The following AGMO variants were observed in gnomAD, a reference collection of about 807,000 sequenced individuals.
AGMO encodes alkylglycerol monooxygenase.
AGMO carries 75 observed loss-of-function variants against 60.2 expected under a neutral mutation model. The ratio of observed to expected loss-of-function variants is 1.25; its 90% CI spans 1.03 to 1.51. The LOEUF is 1.51. AGMO is among the 40% of genes most tolerant of loss of function. AGMO has a pLI of 0.00. For synonymous variants in AGMO, 261 were observed against 177.1 expected (o/e 1.47, Z -3.76); for missense variants, 763 against 525.5 (o/e 1.45, Z -4.42).
intron 3 of AGMO, among the ~76,000 whole-genome samples, chr7:15,495,538 A>C (rs911577566): frequency 1.2e-4 from 19 of 152,278 alleles, no homozygotes; most frequent in African/African-American, 4.1e-4. Context: ...TAGCAGGGAA[A>C]GTGTGTTTGA....
the AGMO span, among the ~76,000 whole-genome samples, chr7:15,154,102 G>T: frequency 4.6e-5 from 7 of 152,180 alleles, no homozygotes; most frequent in Middle Eastern, 3.4e-3. Flanking sequence ...ACTGTTTGCT[G>T]ATGATATGAT....
intron 10 of AGMO, among the ~76,000 whole-genome samples, chr7:15,368,104 G>A (rs186580621): frequency 6.6e-6 from 1 of 152,004 alleles, no homozygotes. Flanking sequence ...TTGCTGAGTG[G>A]TCAAAAATCT....
chr7:15,246,987 G>A (rs1308386939), intron 12 of AGMO, among the ~76,000 whole-genome samples: 2 of 152,104 alleles, frequency 1.3e-5, no homozygotes, highest in East Asian at 3.9e-4. Flanking sequence ...TGTACTTTCT[G>A]TAGAGACATG....
At chr7:15,397,435 C>T (rs1237896262) in intron 5 of AGMO, among the ~76,000 whole-genome samples, 1 of 152,128 alleles carries the variant, frequency 6.6e-6, no homozygotes, top group Non-Finnish European at 1.5e-5. Context: ...CCTCGGCCAG[C>T]CCCACAGAGG....
intron 2 of AGMO, among the ~76,000 whole-genome samples, chr7:15,545,690 T>C (rs1784761233): frequency 2.0e-5 from 3 of 152,126 alleles, no homozygotes; most frequent in Non-Finnish European, 4.4e-5. Flanking sequence ...GCCATCTATT[T>C]ATCAAGCTTC....
intron 8 of AGMO, 110 bp from the exon 9 acceptor site, chr7:15,387,650 C>CAT (rs34660243): frequency 0.74 from 713,368 of 969,724 alleles, 265,303 homozygotes; most frequent in African/African-American, 0.93. Context: ...GTATTTAAAA[C>CAT]GTTATGCCTG....
At chr7:15,193,745 T>G in the AGMO span, among the ~76,000 whole-genome samples, 2 of 152,148 alleles carry the variant, frequency 1.3e-5, no homozygotes, top group African/African-American at 4.8e-5. Context: ...TTTGACAGAG[T>G]CTACCATAAA....
chr7:15,384,152 T>C lies in AGMO; in HGVS notation c.1074+1294A>G, dbSNP rs535419986. On this transcript the variant is annotated intron_variant, in intron 10 of 12. Transcript: ENST00000342526. Reference sequence around the variant, plus strand: ...CGTGGTTTCACCGTATTAGCCAGGATGGTCTCGATCTCCTGACCTCGTGAT... The same window carrying C: ...CGTGGTTTCACCGTATTAGCCAGGACGGTCTCGATCTCCTGACCTCGTGAT... Among the ~76,000 whole-genome samples, 139 of 152,234 alleles carry C rather than the reference T, an allele frequency of 9.1e-4. 1 individual carries two copies. The highest frequency in any genetic ancestry group is 3.4e-3 in the Middle Eastern group (1 of 294).
intron 10 of AGMO, among the ~76,000 whole-genome samples, chr7:15,380,117 G>T (rs10246009): frequency 0.4 from 60,116 of 151,758 alleles, 12,685 homozygotes; most frequent in African/African-American, 0.54. Context: ...TATGCCCTCC[G>T]TCTCTCACCA....
At chr7:15,146,710 T>C in the AGMO span, among the ~76,000 whole-genome samples, 1 of 152,192 alleles carries the variant, frequency 6.6e-6, no homozygotes, top group African/African-American at 2.4e-5. Flanking sequence ...TTAAAGTACA[T>C]GCTTTCTTTT....
chr7:15,351,318 T>C (rs1281258103), intron 12 of AGMO, among the ~76,000 whole-genome samples: 14 of 152,106 alleles, frequency 9.2e-5, no homozygotes, highest in South Asian at 2.1e-4. Context: ...ATTATGTAAG[T>C]AGAAATTGCA....
chr7:15,534,530 G>A (rs1205463735), intron 3 of AGMO, among the ~76,000 whole-genome samples: 1 of 151,830 alleles, frequency 6.6e-6, no homozygotes, highest in African/African-American at 2.4e-5. Context: ...TCTAACTTCA[G>A]TATAAATCTA....
chr7:15,479,910 G>A (rs1372939293), intron 3 of AGMO, among the ~76,000 whole-genome samples: 2 of 152,122 alleles, frequency 1.3e-5, no homozygotes, highest in South Asian at 2.1e-4. Context: ...GGATGTGCCC[G>A]TAGGAAGGAT....
the AGMO span, among the ~76,000 whole-genome samples, chr7:15,127,315 A>C: frequency 6.6e-6 from 1 of 152,172 alleles, no homozygotes; most frequent in Non-Finnish European, 1.5e-5. Flanking sequence ...AATGATTTTA[A>C]GACTCATTGT....
intron 3 of AGMO, among the ~76,000 whole-genome samples, chr7:15,507,961 G>A (rs934723598): frequency 3.3e-5 from 5 of 152,010 alleles, no homozygotes; most frequent in Non-Finnish European, 5.9e-5. Flanking sequence ...TGACTCTCAA[G>A]TGCTCACTTT....
At chr7:15,397,559 C>G (rs996778984) in intron 5 of AGMO, among the ~76,000 whole-genome samples, 1 of 152,226 alleles carries the variant, frequency 6.6e-6, no homozygotes, top group Admixed American at 6.5e-5. Flanking sequence ...TGTTACCTCT[C>G]ACTACCTACC....
chr7:15,546,532 C>T (rs1026627794), intron 2 of AGMO, among the ~76,000 whole-genome samples: 3 of 152,202 alleles, frequency 2.0e-5, no homozygotes, highest in African/African-American at 7.2e-5. Context: ...GAGGGCAGAC[C>T]TCTGCAGGTG....
intron 12 of AGMO, among the ~76,000 whole-genome samples, chr7:15,354,997 G>C (rs1424479504): frequency 1.3e-5 from 2 of 152,134 alleles, no homozygotes; most frequent in African/African-American, 4.8e-5. Flanking sequence ...CTAATGAACA[G>C]GTAAAATGAT....
At chr7:15,528,082 C>A (rs1784171793) in intron 3 of AGMO, among the ~76,000 whole-genome samples, 1 of 152,126 alleles carries the variant, frequency 6.6e-6, no homozygotes, top group African/African-American at 2.4e-5. Context: ...GTAATTTCAA[C>A]TTTCCAGCCT....
Sources: gnomAD v4.1 joint callset for allele counts (sites outside exome capture counted in the v4.1 genomes callset) on GRCh38, gnomAD v4.1.1 for gene constraint, MANE v1.5 for transcripts, NCBI Gene and HGNC (gene_info 2026-07-23, HGNC 2026-07-21) for gene names.